Variants in CCDC7 observed in about 807,000 individuals in gnomAD.
CCDC7 encodes coiled-coil domain-containing protein 7.
A neutral mutation model predicts 196.9 loss-of-function variants in CCDC7; 183 were observed. That is an observed-to-expected ratio of 0.93 (90% CI 0.82 to 1.05). The LOEUF is 1.05. CCDC7 is among the 50% of genes least tolerant of loss of function. The pLI, the probability that CCDC7 is intolerant of heterozygous loss-of-function variation, is 0.00. For synonymous variants in CCDC7, 525 were observed against 484.6 expected (o/e 1.08, Z -1.10); for missense variants, 1,540 against 1,482.2 (o/e 1.04, Z -0.64).
At chr10:32,608,394 G>A (rs952921418) in intron 18 of CCDC7, among the ~76,000 whole-genome samples, 15 of 151,668 alleles carry the variant, frequency 9.9e-5, no homozygotes, top group African/African-American at 3.6e-4. Context: ...TATTTGAGCT[G>A]TTTATTTGAG....
intron 18 of CCDC7, among the ~76,000 whole-genome samples, chr10:32,627,818 T>C (rs1359099184): frequency 6.6e-6 from 1 of 152,024 alleles, no homozygotes; most frequent in South Asian, 2.1e-4. Context: ...ATCACATTTA[T>C]TGATTTGTAT....
chr10:32,532,522 A>G (rs974419722), intron 11 of CCDC7, among the ~76,000 whole-genome samples: 5 of 152,194 alleles, frequency 3.3e-5, no homozygotes, highest in Non-Finnish European at 7.4e-5. Flanking sequence ...GTTGGGCAAC[A>G]TGTTCTGTAA....
At chr10:32,622,175 A>T (rs2063491209) in intron 18 of CCDC7, among the ~76,000 whole-genome samples, 1 of 152,110 alleles carries the variant, frequency 6.6e-6, no homozygotes, top group Admixed American at 6.6e-5. Context: ...TCTCACTCTC[A>T]TGATCTCAGT....
At chr10:32,710,225 A>C (rs142747189) in intron 24 of CCDC7, among the ~76,000 whole-genome samples, 1 of 152,258 alleles carries the variant, frequency 6.6e-6, no homozygotes, top group Non-Finnish European at 1.5e-5. Flanking sequence ...CATGCCTCTA[A>C]ATTCTCCTAG....
chr10:32,677,342 G>C (rs1565098756), intron 21 of CCDC7, among the ~76,000 whole-genome samples: 3 of 151,006 alleles, frequency 2.0e-5, no homozygotes, highest in Middle Eastern at 3.4e-3. Flanking sequence ...TTGTGCACAT[G>C]TATCCTAAAA....
rs183314036 is a variant in CCDC7, at chr10:32,765,784, A to G, written c.2906-13193A>G. 4.7e-3 allele frequency among the ~76,000 whole-genome samples: 713 copies of G among 152,182 alleles called. 2 individuals are homozygous for G. Among genetic ancestry groups the G allele is most frequent in the Non-Finnish European group, 6.4e-3 (438 of 67,966 alleles). ...TTAAATAGATGGTGATTCTAATTGT[A>G]GATACTGTACTAAATAATGATTTCA... On this transcript the variant is annotated intron_variant, in intron 28 of 41. Transcript: ENST00000639629.
chr10:32,622,884 A>G (rs2063564846), intron 18 of CCDC7, among the ~76,000 whole-genome samples: 1 of 152,154 alleles, frequency 6.6e-6, no homozygotes, highest in South Asian at 2.1e-4. Flanking sequence ...TATTATTAAT[A>G]ATAATAAAAT....
exon 19 of CCDC7, chr10:32,634,330 G>T (rs2065291362): frequency 1.7e-6 from 2 of 1,194,826 alleles, no homozygotes; most frequent in South Asian, 4.2e-5. Context: ...TAGAACAAAT[G>T]AAACAAAGAA....
chr10:32,508,491 T>C (rs1216733971), intron 9 of CCDC7, among the ~76,000 whole-genome samples: 1 of 152,204 alleles, frequency 6.6e-6, no homozygotes, highest in Admixed American at 6.5e-5. Flanking sequence ...AGATTCTGTG[T>C]GAATCCTATG....
chr10:32,577,055 G>C (rs988779924), intron 16 of CCDC7, among the ~76,000 whole-genome samples: 9 of 152,078 alleles, frequency 5.9e-5, no homozygotes, highest in Admixed American at 5.9e-4. Context: ...TGTTACCTCA[G>C]AAAAGCATGT....
At chr10:32,779,890 T>G (rs1055726479) in intron 29 of CCDC7, among the ~76,000 whole-genome samples, 1 of 152,112 alleles carries the variant, frequency 6.6e-6, no homozygotes, top group African/African-American at 2.4e-5. Flanking sequence ...AAAGCCAGTA[T>G]GAAAAGAATA....
downstream of CCDC7, among the ~76,000 whole-genome samples, chr10:32,882,030 T>A (rs922827968): frequency 2.6e-5 from 4 of 152,016 alleles, no homozygotes; most frequent in African/African-American, 9.7e-5. Flanking sequence ...TAGCATATAC[T>A]CCATCACAAG....
chr10:32,804,387 G>A (rs758528103), intron 29 of CCDC7, among the ~76,000 whole-genome samples: 1 of 152,070 alleles, frequency 6.6e-6, no homozygotes, highest in Non-Finnish European at 1.5e-5. Flanking sequence ...CCTAAGCTAC[G>A]AGGTCCACAT....
intron 28 of CCDC7, among the ~76,000 whole-genome samples, chr10:32,747,665 A>G (rs1433577681): frequency 1.3e-5 from 2 of 152,200 alleles, no homozygotes; most frequent in Admixed American, 6.5e-5. Flanking sequence ...ATGAGATACC[A>G]TCTCATACCA....
At chr10:32,765,891 A>G (rs560574455) in intron 28 of CCDC7, among the ~76,000 whole-genome samples, 33 of 152,060 alleles carry the variant, frequency 2.2e-4, no homozygotes, top group Non-Finnish European at 3.7e-4. Flanking sequence ...CTGCTTTCCT[A>G]TAGTGAAGAA....
At chr10:32,500,625 C>T (rs2134909091) in intron 9 of CCDC7, among the ~76,000 whole-genome samples, 1 of 152,144 alleles carries the variant, frequency 6.6e-6, no homozygotes, top group South Asian at 2.1e-4. Flanking sequence ...CAGAGACGCT[C>T]CTCACTTCCA....
At chr10:32,477,862 T>C (rs2039295413) in intron 8 of CCDC7, among the ~76,000 whole-genome samples, 1 of 152,188 alleles carries the variant, frequency 6.6e-6, no homozygotes, top group Non-Finnish European at 1.5e-5. Context: ...AATTTGTTGG[T>C]ATCCAAAAAA....
chr10:32,644,159 T>C (rs948475651), intron 20 of CCDC7, among the ~76,000 whole-genome samples: 8 of 152,158 alleles, frequency 5.3e-5, no homozygotes, highest in South Asian at 4.1e-4. Flanking sequence ...TCAGGGAAAT[T>C]ACCATATATA....
At chr10:32,881,750 T>C (rs1267496449), downstream of CCDC7, among the ~76,000 whole-genome samples, 1 of 149,982 alleles carries the variant, frequency 6.7e-6, no homozygotes, top group Non-Finnish European at 1.5e-5. Context: ...CACCCCACAA[T>C]TACAGGCATA....
Sources: allele counts gnomAD v4.1 joint callset (sites outside exome capture counted in the v4.1 genomes callset), GRCh38; gene constraint gnomAD v4.1.1; transcripts MANE v1.5; gene names NCBI Gene and HGNC (gene_info 2026-07-23, HGNC 2026-07-21).